EYS: variants seen among roughly 807,000 people sequenced by gnomAD.
EYS encodes the protein protein eyes shut homolog.
A neutral mutation model predicts 282.1 loss-of-function variants in EYS; 250 were observed. The ratio of observed to expected loss-of-function variants is 0.89; its 90% CI spans 0.80 to 0.98. The LOEUF (loss-of-function observed/expected upper bound fraction) is 0.98. Among genes scored for constraint, EYS ranks in the 50% least tolerant of loss-of-function variants. The pLI, the probability that EYS is intolerant of heterozygous loss-of-function variation, is 0.00. For synonymous variants in EYS, 1,355 were observed against 1,282.9 expected (o/e 1.06, Z -1.20); for missense variants, 4,016 against 3,709.0 (o/e 1.08, Z -2.15).
intron 31 of EYS, among the ~76,000 whole-genome samples, chr6:64,139,603 T>G (rs1323924461): frequency 6.6e-6 from 1 of 152,140 alleles, no homozygotes; most frequent in African/African-American, 2.4e-5. Flanking sequence ...GCTAGAAAGG[T>G]TATCAATATG....
At chr6:64,477,533 T>C (rs1381520346) in intron 26 of EYS, among the ~76,000 whole-genome samples, 5 of 152,144 alleles carry the variant, frequency 3.3e-5, no homozygotes, top group Non-Finnish European at 7.4e-5. Context: ...GTATGCTTCC[T>C]TTTCTTTCCA....
At chr6:64,172,341 T>C (rs1034531033) in intron 31 of EYS, among the ~76,000 whole-genome samples, 2 of 152,184 alleles carry the variant, frequency 1.3e-5, no homozygotes, top group Non-Finnish European at 2.9e-5. Context: ...ATATGTCTTA[T>C]ATAACTGAAA....
intron 34 of EYS, among the ~76,000 whole-genome samples, chr6:63,986,262 T>C (rs1238667261): frequency 6.6e-6 from 1 of 151,478 alleles, no homozygotes; most frequent in Non-Finnish European, 1.5e-5. Context: ...TATTGAAAAG[T>C]AAAAAAATAA....
At chr6:64,488,812 CTTCTAATA>C (rs1276430260) in intron 26 of EYS, among the ~76,000 whole-genome samples, 1 of 150,858 alleles carries the variant, frequency 6.6e-6, no homozygotes, top group Non-Finnish European at 1.5e-5. Context: ...TGGAAATATG[CTTCTAATA>C]TTCAACCTTT....
At chr6:64,335,722 G>A (rs551172419) in intron 29 of EYS, among the ~76,000 whole-genome samples, 1 of 152,204 alleles carries the variant, frequency 6.6e-6, no homozygotes, top group Non-Finnish European at 1.5e-5. Context: ...AGAGCTGTGA[G>A]ACAAAAGCAC....
At chr6:64,248,026 A>C (rs955188915) in intron 30 of EYS, among the ~76,000 whole-genome samples, 1 of 152,168 alleles carries the variant, frequency 6.6e-6, no homozygotes, top group Non-Finnish European at 1.5e-5. Context: ...GTCCTAAAAG[A>C]CCAGAAGGAC....
intron 12 of EYS, among the ~76,000 whole-genome samples, chr6:65,179,853 C>T (rs1020742117): frequency 3.3e-5 from 5 of 151,970 alleles, no homozygotes; most frequent in Non-Finnish European, 7.4e-5. Context: ...AAAAGCTTAT[C>T]CACCATGATC....
chr6:64,379,167 G>A (rs1185583936), intron 29 of EYS, among the ~76,000 whole-genome samples: 1 of 151,836 alleles, frequency 6.6e-6, no homozygotes, highest in East Asian at 1.9e-4. Context: ...TCATTCACCT[G>A]GGGTTTCTGT....
chr6:64,710,871 C>A (rs975836280), intron 22 of EYS, among the ~76,000 whole-genome samples: 1 of 152,166 alleles, frequency 6.6e-6, no homozygotes, highest in Non-Finnish European at 1.5e-5. Context: ...GTCAGGACAA[C>A]TTATTTTATA....
chr6:65,634,188 T>C (rs1370386825), intron 2 of EYS, among the ~76,000 whole-genome samples: 1 of 152,148 alleles, frequency 6.6e-6, no homozygotes, highest in African/African-American at 2.4e-5. Context: ...GAGACAAACA[T>C]ATGGACAAAT....
intron 23 of EYS, among the ~76,000 whole-genome samples, chr6:64,624,688 T>C (rs1474584402): frequency 6.6e-6 from 1 of 152,112 alleles, no homozygotes; most frequent in Non-Finnish European, 1.5e-5. Flanking sequence ...AACTTCTAAA[T>C]AGTATGTGGG....
intron 1 of EYS, among the ~76,000 whole-genome samples, chr6:65,646,648 A>C (rs1767460602): frequency 6.6e-6 from 1 of 152,186 alleles, no homozygotes; most frequent in Admixed American, 6.5e-5. Flanking sequence ...ACTTCTATTC[A>C]ACACAGTACT....
intron 31 of EYS, among the ~76,000 whole-genome samples, chr6:64,205,812 C>CAT (rs1415347878): frequency 3.5e-5 from 4 of 114,288 alleles, no homozygotes; most frequent in Non-Finnish European, 7.2e-5. Context: ...AATAGGCATT[C>CAT]ATACACACAC....
intron 33 of EYS, among the ~76,000 whole-genome samples, chr6:64,036,065 A>G (rs1380781353): frequency 6.6e-6 from 1 of 152,222 alleles, no homozygotes; most frequent in Non-Finnish European, 1.5e-5. Context: ...ATAACCAAAG[A>G]AGTAATCTTC....
chr6:65,546,028 T>G (rs1055916298), intron 2 of EYS, among the ~76,000 whole-genome samples: 2 of 146,936 alleles, frequency 1.4e-5, no homozygotes, highest in South Asian at 2.1e-4. Context: ...TTTTTTGTTG[T>G]TTTTTTTTTG....
At chr6:65,591,849 T>G (rs1281445626) in intron 2 of EYS, among the ~76,000 whole-genome samples, 1 of 152,008 alleles carries the variant, frequency 6.6e-6, no homozygotes, top group Non-Finnish European at 1.5e-5. Context: ...AATTAAATTA[T>G]TTTTTATATT....
intron 14 of EYS, among the ~76,000 whole-genome samples, chr6:64,995,601 A>C (rs1771227545): frequency 6.6e-6 from 1 of 152,128 alleles, no homozygotes. Context: ...AAGTTGATAT[A>C]TGACTTACAG....
At chr6:64,765,402 C>T (rs902495236) in intron 22 of EYS, among the ~76,000 whole-genome samples, 1 of 152,210 alleles carries the variant, frequency 6.6e-6, no homozygotes, top group African/African-American at 2.4e-5. Context: ...ATCTTTCTGT[C>T]TCCTTCTGAG....
At chr6:65,008,394 A>G (rs1771756678) in intron 13 of EYS, among the ~76,000 whole-genome samples, 1 of 152,128 alleles carries the variant, frequency 6.6e-6, no homozygotes, top group Non-Finnish European at 1.5e-5. Context: ...TAGAAACCCT[A>G]TTGAACGTGG....
Sources: allele counts gnomAD v4.1 joint callset (sites outside exome capture counted in the v4.1 genomes callset), GRCh38; gene constraint gnomAD v4.1.1; transcripts MANE v1.5; gene names NCBI Gene and HGNC (gene_info 2026-07-23, HGNC 2026-07-21).